The following GNPTAB variants were observed in gnomAD, a reference collection of about 807,000 sequenced individuals.
GNPTAB encodes the protein N-acetylglucosamine-1-phosphotransferase subunits alpha/beta.
GNPTAB carries 92 observed loss-of-function variants against 136.6 expected under a neutral mutation model. The ratio of observed to expected loss-of-function variants is 0.67; its 90% CI spans 0.57 to 0.80. GNPTAB has a LOEUF of 0.80. Ranked by LOEUF, GNPTAB falls within the 30% of genes least tolerant of loss-of-function variation. The pLI is 0.00. For missense variants in GNPTAB, 1,343 were observed against 1,501.8 expected (o/e 0.89, Z 1.75); for synonymous variants, 512 against 535.1 (o/e 0.96, Z 0.60).
At chr12:101,776,999 C>T (rs919214) in intron 7 of GNPTAB, among the ~76,000 whole-genome samples, 28,307 of 152,248 alleles carry the variant, frequency 0.19, 2,732 homozygotes, top group Admixed American at 0.25. Flanking sequence ...GCAACACATC[C>T]GAAACTGAGC....
Position 101,779,634 on chromosome 12 carries a change from T to C in GNPTAB, c.771+518A>G, listed in dbSNP as rs76635688. 1,557 of 168,420 alleles carry C rather than the reference T, an allele frequency of 9.2e-3. 24 individuals carry two copies. Among genetic ancestry groups the C allele is most frequent in the African/African-American group, 0.034 (1,437 of 41,768 alleles). 10.4% of individuals were successfully genotyped at this position (168,420 alleles called of 1,614,324 possible). On this transcript the variant is annotated intron_variant, in intron 7 of 20. Coordinates refer to ENST00000299314, the MANE Select transcript of GNPTAB (RefSeq NM_024312.5). ...ATGTATCTGAAGCACACTACCTTTA[T>C]GAGTGAAAGCTTTGGGTAAACAACA...
chr12:101,806,312 A>G (rs1022170857), intron 1 of GNPTAB, among the ~76,000 whole-genome samples: 8 of 152,230 alleles, frequency 5.3e-5, no homozygotes, highest in Non-Finnish European at 1.0e-4. Context: ...ACAAGAAACA[A>G]AAACACAAAT....
intron 18 of GNPTAB, 80 bp downstream of exon 18, chr12:101,757,132 G>T: frequency 5.0e-6 from 4 of 806,160 alleles, no homozygotes; most frequent in Non-Finnish European, 2.1e-6. Context: ...GTTCCATACA[G>T]AAATAAGCTA....
At chr12:101,779,658 C>A in intron 7 of GNPTAB, 1 of 173,588 alleles carries the variant, frequency 5.8e-6, no homozygotes. Context: ...GGGTAAACAA[C>A]AGGCTGTGTG....
rs34946266 is a variant in GNPTAB, at chr12:101,786,014, T to A, written c.569A>T (p.Asp190Val). The change falls in exon 5 of 21, where the codon GAT (aspartate) becomes GTT (valine). Residue 190 changes from aspartate (D) to valine (V), a missense_variant and splice_region_variant. Coordinates refer to ENST00000299314, the MANE Select transcript of GNPTAB (RefSeq NM_024312.5). Reference sequence around the variant, plus strand: ...AAATATCCATAAAAAGATCTTACCATCCTTAGTACTGTCAAAAACAACAAC... The same window carrying A: ...AAATATCCATAAAAAGATCTTACCAACCTTAGTACTGTCAAAAACAACAAC... ...VSVVVFDSTK[D>V]VEDAHSGLLK... The A allele has an allele frequency of 6.2e-6, 10 of 1,604,824 alleles. No individual in the cohort carries two copies. Among genetic ancestry groups the A allele is most frequent in the African/African-American group, 1.3e-5 (1 of 74,758 alleles).
chr12:101,770,864 C>T (rs1953160702), intron 8 of GNPTAB, 132 bp downstream of exon 8: 5 of 943,130 alleles, frequency 5.3e-6, no homozygotes, highest in Non-Finnish European at 8.5e-6. Flanking sequence ...ATGGCAGTGA[C>T]TGAAAAATTA....
intron 2 of GNPTAB, chr12:101,796,321 G>A (rs954187912): frequency 1.4e-6 from 1 of 701,752 alleles, no homozygotes. Context: ...TACAAGGTGG[G>A]ATTACTCTCT....
intron 10 of GNPTAB, among the ~76,000 whole-genome samples, chr12:101,768,967 G>A (rs578130244): frequency 1.4e-4 from 21 of 152,294 alleles, no homozygotes; most frequent in African/African-American, 5.1e-4. Context: ...CCCTTGTTAA[G>A]CCACAAGCTC....
At chr12:101,762,559 T>C (rs762383456) in intron 13 of GNPTAB, among the ~76,000 whole-genome samples, 4 of 152,132 alleles carry the variant, frequency 2.6e-5, no homozygotes, top group Non-Finnish European at 5.9e-5. Context: ...TCACAAAACA[T>C]TGGAAATAAC....
intron 1 of GNPTAB, among the ~76,000 whole-genome samples, chr12:101,815,181 C>T (rs1870453278): frequency 6.6e-6 from 1 of 152,170 alleles, no homozygotes; most frequent in South Asian, 2.1e-4. Flanking sequence ...AGTCCTCCCA[C>T]CTCAGCCTCC....
intron 1 of GNPTAB, among the ~76,000 whole-genome samples, chr12:101,815,640 C>T (rs1594258172): frequency 6.7e-6 from 1 of 149,474 alleles, no homozygotes; most frequent in African/African-American, 2.5e-5. Flanking sequence ...AAAAAAAAGC[C>T]TCTCTCTAAA....
chr12:101,822,185 G>A (rs955357114), intron 1 of GNPTAB, among the ~76,000 whole-genome samples: 8 of 152,064 alleles, frequency 5.3e-5, no homozygotes, highest in Admixed American at 6.5e-5. Flanking sequence ...AGGCCGAGGC[G>A]GGCGGATCAC....
At chr12:101,815,117 A>G (rs950560009) in intron 1 of GNPTAB, among the ~76,000 whole-genome samples, 5 of 152,214 alleles carry the variant, frequency 3.3e-5, no homozygotes, top group Non-Finnish European at 1.5e-5. Context: ...ACCAGGCTGG[A>G]ATGCAGTGGC....
rs1953063775 is a variant in GNPTAB, at chr12:101,764,913, A to G, written c.2004T>C (p.Asp668=). The G allele has an allele frequency of 6.2e-7, 1 of 1,613,728 alleles. No homozygotes were observed. The highest frequency in any genetic ancestry group is 1.3e-5 in the African/African-American group (1 of 74,616). The stretch of plus-strand genomic sequence containing the variant: ...TCGGGAAGCGTTTTTCTTTGGGAAT[A>G]TCCTCAAAAAGGATTTCCGCCTCTG... ...LLPEAEILFE[D]IPKEKRFPKF... Residue 668 remains aspartate (D), a synonymous_variant, in exon 13 of 21, where the codon GAT becomes GAC. Transcript: ENST00000299314.
chr12:101,800,392 C>A (rs1305369816), intron 1 of GNPTAB, among the ~76,000 whole-genome samples: 2 of 151,698 alleles, frequency 1.3e-5, no homozygotes, highest in African/African-American at 4.8e-5. Flanking sequence ...AATTTTAAAT[C>A]AATGGATAGA....
chr12:101,816,180 A>G (rs1870503589), intron 1 of GNPTAB, among the ~76,000 whole-genome samples: 1 of 152,228 alleles, frequency 6.6e-6, no homozygotes, highest in Non-Finnish European at 1.5e-5. Context: ...AGCCAAAGAT[A>G]AATGGACAAA....
At chr12:101,817,085 G>C (rs766089554) in intron 1 of GNPTAB, among the ~76,000 whole-genome samples, 3 of 151,940 alleles carry the variant, frequency 2.0e-5, no homozygotes, top group Non-Finnish European at 4.4e-5. Flanking sequence ...TTGGCTAATA[G>C]GTACAAAAAT....
rs754752523 is a variant in GNPTAB at position 101,790,334 on chromosome 12, T to A, written c.204-277A>T. On this transcript the variant is annotated intron_variant, in intron 2 of 20. Transcript: ENST00000299314. Reference sequence around the variant, plus strand: ...CTCTGTAAGAAGGCTAATATTAGATTTAAAGATTGTTCGTGGGTGAAGTAG... The same window carrying A: ...CTCTGTAAGAAGGCTAATATTAGATATAAAGATTGTTCGTGGGTGAAGTAG... Among the ~76,000 whole-genome samples the A allele has an allele frequency of 5.3e-4, 81 of 152,308 alleles. 1 individual carries two copies. The highest frequency in any genetic ancestry group is 6.8e-3 in the Middle Eastern group (2 of 294).
chr12:101,779,413 C>T (rs1472406104), intron 7 of GNPTAB: 1 of 152,442 alleles, frequency 6.6e-6, no homozygotes, highest in Non-Finnish European at 1.5e-5. Context: ...CCCACATGGA[C>T]TATGTCCTAA....
Sources: gnomAD v4.1 joint callset for allele counts (sites outside exome capture counted in the v4.1 genomes callset) on GRCh38, gnomAD v4.1.1 for gene constraint, MANE v1.5 for transcripts, NCBI Gene and HGNC (gene_info 2026-07-23, HGNC 2026-07-21) for gene names.